Variants in DHX57 observed in about 807,000 individuals in gnomAD.
The protein encoded by DHX57 is DExH-box helicase 57.
Under a neutral mutation model 156.2 loss-of-function variants are expected in DHX57, and 105 were observed. The observed-to-expected ratio is 0.67, with a 90% CI of 0.57 to 0.79. The LOEUF is 0.79. Ranked by LOEUF, DHX57 falls within the 30% of genes least tolerant of loss-of-function variation. DHX57 has a pLI of 0.00. For synonymous variants in DHX57, 704 were observed against 595.6 expected (o/e 1.18, Z -2.65); for missense variants, 1,847 against 1,661.9 (o/e 1.11, Z -1.94).
chr2:38,808,368 AAAAT>A (rs1558354832), intron 21 of DHX57, among the ~76,000 whole-genome samples: 1 of 152,210 alleles, frequency 6.6e-6, no homozygotes, highest in African/African-American at 2.4e-5. Flanking sequence ...TGATGTCTTG[AAAAT>A]AAACATGTCT....
intron 21 of DHX57, 118 bp downstream of exon 21, chr2:38,813,703 G>A (rs7419838): frequency 0.35 from 395,381 of 1,139,824 alleles, 70,163 homozygotes; most frequent in Admixed American, 0.37. Context: ...AAGGGTGTGC[G>A]TGTGTGCACA....
intron 20 of DHX57, among the ~76,000 whole-genome samples, chr2:38,815,205 G>T (rs924584197): frequency 6.6e-6 from 1 of 151,936 alleles, no homozygotes; most frequent in Admixed American, 6.6e-5. Context: ...TAGCTGGGAA[G>T]ACAGGTGGTA....
chr2:38,814,331 T>C (rs1670418693), intron 20 of DHX57, among the ~76,000 whole-genome samples: 1 of 152,296 alleles, frequency 6.6e-6, no homozygotes, highest in Non-Finnish European at 1.5e-5. Flanking sequence ...CTAATTTCTA[T>C]CTCTTTGCTA....
At chr2:38,867,903 T>C (rs959183406) in intron 2 of DHX57, among the ~76,000 whole-genome samples, 9 of 152,234 alleles carry the variant, frequency 5.9e-5, no homozygotes, top group African/African-American at 2.2e-4. Flanking sequence ...CTATGATGCA[T>C]AAGGAATACT....
chr2:38,852,431 G>A (rs1281992741), intron 9 of DHX57, among the ~76,000 whole-genome samples: 2 of 147,260 alleles, frequency 1.4e-5, no homozygotes, highest in Non-Finnish European at 3.0e-5. Context: ...TTCTTCTCAA[G>A]ATATTTATTG....
At chr2:38,848,500 C>A in intron 9 of DHX57, 98 bp from the exon 10 acceptor site, 5 of 1,229,688 alleles carry the variant, frequency 4.1e-6, no homozygotes, top group South Asian at 1.9e-5. Flanking sequence ...TGTAAGATCT[C>A]TGTGAAAAAA....
At position 38,802,981 on chromosome 2, in the gene DHX57, G is replaced by C. The variant is rs980260700; in HGVS notation, c.3817-66C>G. The stretch of plus-strand genomic sequence containing the variant: ...GCAACAAAAAGGGAACAACCCCCCA[G>C]TCCCACGGATTTAAATACTGCCTAT... On this transcript the variant is annotated intron_variant, in intron 22 of 23. Transcript: ENST00000457308. The C allele has an allele frequency of 2.3e-5, 36 of 1,573,682 alleles. No homozygotes were observed. In the African/African-American group the frequency reaches 3.8e-4, roughly 17 times the overall value.
chr2:38,815,867 T>A, intron 19 of DHX57: 1 of 583,964 alleles, frequency 1.7e-6, no homozygotes, highest in South Asian at 2.2e-5. Context: ...GAAACGGTTA[T>A]GCAGAAATGC....
chr2:38,843,880 C>G (rs1327631477), intron 11 of DHX57, among the ~76,000 whole-genome samples: 1 of 152,002 alleles, frequency 6.6e-6, no homozygotes, highest in Non-Finnish European at 1.5e-5. Context: ...TTTTTTTTCC[C>G]TGGAGCCTTA....
In DHX57 at chr2:38,857,634, G is replaced by C. The variant is rs138710957; in HGVS notation, c.1587+1027C>G. On this transcript the variant is annotated intron_variant, in intron 6 of 23. Transcript: ENST00000457308. ...ACTTTAGAACTGGAGGGCCTAGAGA[G>C]CATTTAATCCAATTCCCATATTGGT... 4.8e-3 allele frequency among the ~76,000 whole-genome samples: 737 copies of C among 152,308 alleles called. 5 individuals carry two copies. The highest frequency in any genetic ancestry group is 0.017 in the African/African-American group (695 of 41,570).
At chr2:38,801,681 G>T (rs779242164) in intron 23 of DHX57, among the ~76,000 whole-genome samples, 11 of 151,904 alleles carry the variant, frequency 7.2e-5, no homozygotes, top group Non-Finnish European at 1.0e-4. Context: ...TGCAACCTCC[G>T]CCTCCTGGGC....
At chr2:38,825,268 C>T (rs1168584629) in intron 16 of DHX57, among the ~76,000 whole-genome samples, 1 of 152,022 alleles carries the variant, frequency 6.6e-6, no homozygotes, top group East Asian at 1.9e-4. Flanking sequence ...GACAGTAATC[C>T]ACTTACTTAA....
intron 19 of DHX57, chr2:38,816,000 G>C (rs1416580048): frequency 2.5e-6 from 1 of 399,188 alleles, no homozygotes; most frequent in African/African-American, 2.1e-5. Flanking sequence ...AATGCTGTTT[G>C]TTTTGACTGG....
At chr2:38,875,738 C>G (rs1319888034) in intron 1 of DHX57, 49 bp downstream of exon 1, 1 of 298,668 alleles carries the variant, frequency 3.3e-6, no homozygotes, top group Non-Finnish European at 6.1e-6. Flanking sequence ...GTGACGCGCA[C>G]ACCGTGCGCA....
At chr2:38,842,180 A>G (rs1233455565) in intron 12 of DHX57, among the ~76,000 whole-genome samples, 6 of 152,222 alleles carry the variant, frequency 3.9e-5, no homozygotes, top group Non-Finnish European at 7.3e-5. Context: ...CCAAAAATGT[A>G]TAACCTAAAT....
chr2:38,821,511 T>C (rs181753111), intron 17 of DHX57, among the ~76,000 whole-genome samples: 261 of 152,028 alleles, frequency 1.7e-3, no homozygotes, highest in South Asian at 8.5e-3. Flanking sequence ...CTGACTAACA[T>C]GGTGAAACCC....
rs192868637 is a variant in DHX57, at chr2:38,804,733, C to G, written c.3817-1818G>C. 2.7e-3 allele frequency among the ~76,000 whole-genome samples: 411 copies of G among 152,178 alleles called. 2 individuals are homozygous for G. The highest frequency in any genetic ancestry group is 8.8e-4 in the Non-Finnish European group (60 of 68,004). On this transcript the variant is annotated intron_variant, in intron 22 of 23. Coordinates refer to ENST00000457308, the MANE Select transcript of DHX57 (RefSeq NM_198963.3). ...TGGAACACACCAAATACACTCCCAC[C>G]TTGTGATGTTTGCACTTATGTCCTC...
chr2:38,862,042 G>A (rs910126487), intron 4 of DHX57, 103 bp downstream of exon 4: 1 of 1,355,650 alleles, frequency 7.4e-7, no homozygotes, highest in African/African-American at 1.5e-5. Flanking sequence ...GGCATTGCTG[G>A]AACCCACATA....
intron 15 of DHX57, 110 bp from the exon 16 acceptor site, chr2:38,826,157 G>T: frequency 8.8e-7 from 1 of 1,137,904 alleles, no homozygotes; most frequent in Non-Finnish European, 1.2e-6. Flanking sequence ...GGGACACAGT[G>T]CCCTGTATAT....
Sources: gnomAD v4.1 joint callset for allele counts (sites outside exome capture counted in the v4.1 genomes callset) on GRCh38, gnomAD v4.1.1 for gene constraint, MANE v1.5 for transcripts, NCBI Gene and HGNC (gene_info 2026-07-23, HGNC 2026-07-21) for gene names.